The following PSD3 variants were observed in gnomAD, a reference collection of about 807,000 sequenced individuals.
PSD3 encodes the protein PH and SEC7 domain-containing protein 3.
PSD3 carries 49 observed loss-of-function variants against 105.5 expected under a neutral mutation model. That is an observed-to-expected ratio of 0.46 (90% CI 0.37 to 0.59). PSD3 has a LOEUF of 0.59. Among genes scored for constraint, PSD3 ranks in the 20% least tolerant of loss-of-function variants. The pLI is 0.00. For synonymous variants in PSD3, 557 were observed against 457.8 expected (o/e 1.22, Z -2.77); for missense variants, 1,561 against 1,263.8 (o/e 1.24, Z -3.57).
intron 2 of PSD3, among the ~76,000 whole-genome samples, chr8:18,880,352 G>A (rs1361935713): frequency 6.6e-6 from 1 of 152,070 alleles, no homozygotes; most frequent in African/African-American, 2.4e-5. Context: ...CTAAACACAG[G>A]GGATTCAAAA....
chr8:18,565,536 T>C (rs570512540), intron 14 of PSD3, among the ~76,000 whole-genome samples: 69 of 152,328 alleles, frequency 4.5e-4, no homozygotes, highest in African/African-American at 1.6e-3. Flanking sequence ...AGCCCACAAA[T>C]GACAGGGTGA....
intron 9 of PSD3, among the ~76,000 whole-genome samples, chr8:18,668,386 G>A (rs1169634498): frequency 6.6e-6 from 1 of 152,196 alleles, no homozygotes; most frequent in Non-Finnish European, 1.5e-5. Context: ...TGATGTTCTA[G>A]CCATTTCAAA....
intron 4 of PSD3, among the ~76,000 whole-genome samples, chr8:18,816,888 T>C (rs1489243163): frequency 1.3e-5 from 2 of 152,176 alleles, no homozygotes; most frequent in African/African-American, 2.4e-5. Flanking sequence ...GAGATAAATA[T>C]AGCTAGGTAT....
At chr8:18,887,619 A>G (rs1193102776) in intron 2 of PSD3, among the ~76,000 whole-genome samples, 2 of 152,232 alleles carry the variant, frequency 1.3e-5, no homozygotes, top group East Asian at 1.9e-4. Context: ...TAATAGTGAT[A>G]ATGGCTATTA....
At chr8:18,694,552 G>A (rs572458467) in intron 9 of PSD3, among the ~76,000 whole-genome samples, 3 of 151,326 alleles carry the variant, frequency 2.0e-5, no homozygotes, top group African/African-American at 7.3e-5. Context: ...AGAGCTTGCA[G>A]TGAGCCGAGA....
At chr8:18,788,465 A>G (rs1809392897) in intron 8 of PSD3, among the ~76,000 whole-genome samples, 1 of 152,200 alleles carries the variant, frequency 6.6e-6, no homozygotes, top group African/African-American at 2.4e-5. Context: ...ACCATCGCCT[A>G]ACTTAAAATC....
chr8:18,622,850 A>G (rs541224355), intron 11 of PSD3, among the ~76,000 whole-genome samples: 1 of 152,100 alleles, frequency 6.6e-6, no homozygotes, highest in Admixed American at 6.5e-5. Flanking sequence ...AGTTCTATCC[A>G]GTTTTACCTC....
At chr8:19,028,028 C>G (rs372494616) in intron 1 of PSD3, among the ~76,000 whole-genome samples, 2 of 152,148 alleles carry the variant, frequency 1.3e-5, no homozygotes, top group African/African-American at 2.4e-5. Context: ...TCCAAAGTGG[C>G]TATGCTATTA....
At chr8:18,728,296 G>C (rs145709326) in intron 9 of PSD3, among the ~76,000 whole-genome samples, 249 of 152,312 alleles carry the variant, frequency 1.6e-3, no homozygotes, top group African/African-American at 5.7e-3. Flanking sequence ...ACTCTGCACA[G>C]CACAGACATG....
intron 14 of PSD3, among the ~76,000 whole-genome samples, chr8:18,559,984 T>C (rs1017968714): frequency 2.0e-5 from 3 of 152,188 alleles, no homozygotes; most frequent in African/African-American, 7.2e-5. Context: ...AATGCTTCAC[T>C]ACTATTTCAC....
chr8:18,774,972 C>T, intron 8 of PSD3: 1 of 456,124 alleles, frequency 2.2e-6, no homozygotes, highest in South Asian at 1.5e-5. Flanking sequence ...AGAAAAGTGC[C>T]CATTAATCAA....
chr8:18,837,933 A>G (rs537570280), intron 4 of PSD3, among the ~76,000 whole-genome samples: 9 of 152,240 alleles, frequency 5.9e-5, no homozygotes, highest in Admixed American at 2.6e-4. Context: ...CCAGTTGTCT[A>G]TCAGGCAGAT....
chr8:18,786,129 G>A (rs547343431), intron 8 of PSD3, among the ~76,000 whole-genome samples: 22 of 152,232 alleles, frequency 1.4e-4, no homozygotes, highest in South Asian at 2.1e-4. Context: ...ACGTGAACCC[G>A]GGAGGTGGAG....
chr8:18,686,620 G>C (rs1021858156), intron 9 of PSD3, among the ~76,000 whole-genome samples: 5 of 152,154 alleles, frequency 3.3e-5, no homozygotes, highest in African/African-American at 1.2e-4. Flanking sequence ...AAGCTGTACA[G>C]ACCTCAGCAT....
chr8:18,572,719 T>G, intron 13 of PSD3, 47 bp from the exon 14 acceptor site: 1 of 1,587,606 alleles, frequency 6.3e-7, no homozygotes, highest in Non-Finnish European at 8.6e-7. Context: ...CATGTCTAAG[T>G]AGCATCACAC....
intron 8 of PSD3, among the ~76,000 whole-genome samples, chr8:18,793,834 T>C (rs1809980447): frequency 6.6e-6 from 1 of 152,214 alleles, no homozygotes; most frequent in African/African-American, 2.4e-5. Context: ...GTTACAATAG[T>C]GATCATTACA....
intron 4 of PSD3, among the ~76,000 whole-genome samples, chr8:18,813,472 C>T (rs1388420853): frequency 2.0e-5 from 3 of 152,162 alleles, no homozygotes; most frequent in Non-Finnish European, 4.4e-5. Flanking sequence ...GAGGCTAGAG[C>T]ACTCAACATG....
At chr8:19,064,215 A>G (rs1828996225) in intron 1 of PSD3, among the ~76,000 whole-genome samples, 1 of 152,222 alleles carries the variant, frequency 6.6e-6, no homozygotes, top group African/African-American at 2.4e-5. Flanking sequence ...AGTTCTAGTT[A>G]ATTAAGCTTT....
chr8:18,590,500 C>G (rs1803520349), intron 12 of PSD3, among the ~76,000 whole-genome samples: 1 of 152,122 alleles, frequency 6.6e-6, no homozygotes, highest in African/African-American at 2.4e-5. Flanking sequence ...ACACTGAAAA[C>G]AGACATGTTG....
Sources: gnomAD v4.1 joint callset for allele counts (sites outside exome capture counted in the v4.1 genomes callset) on GRCh38, gnomAD v4.1.1 for gene constraint, MANE v1.5 for transcripts, NCBI Gene and HGNC (gene_info 2026-07-23, HGNC 2026-07-21) for gene names.